CSNK1G3: variants seen among roughly 807,000 people sequenced by gnomAD.
CSNK1G3 encodes casein kinase I isoform gamma-3.
In CSNK1G3, 23 loss-of-function variants were observed where a neutral mutation model predicts 64.3. The ratio of observed to expected loss-of-function variants is 0.36; its 90% CI spans 0.26 to 0.51. The LOEUF (loss-of-function observed/expected upper bound fraction) is 0.51, where lower values mean the gene tolerates loss of function less well. Among genes scored for constraint, CSNK1G3 ranks in the 20% least tolerant of loss-of-function variants. CSNK1G3 has a pLI of 0.96. For missense variants in CSNK1G3, 357 were observed against 510.5 expected, an observed-to-expected ratio of 0.70 and a Z score of 2.90; for synonymous variants, 158 against 162.2, an observed-to-expected ratio of 0.97 and a Z score of 0.20.
chr5:123,559,918 A>G (rs968369383), intron 4 of CSNK1G3, among the ~76,000 whole-genome samples: 2 of 152,086 alleles, frequency 1.3e-5, no homozygotes, highest in African/African-American at 2.4e-5. Flanking sequence ...TAATTTTCCT[A>G]TGGTATGCTG....
chr5:123,523,198 C>A (rs1778444808), intron 1 of CSNK1G3, among the ~76,000 whole-genome samples: 1 of 151,978 alleles, frequency 6.6e-6, no homozygotes, highest in South Asian at 2.1e-4. Flanking sequence ...TCTGTTTATT[C>A]CCGCTCAGTG....
At chr5:123,550,961 T>A (rs1404690961) in intron 2 of CSNK1G3, among the ~76,000 whole-genome samples, 1 of 152,196 alleles carries the variant, frequency 6.6e-6, no homozygotes, top group Non-Finnish European at 1.5e-5. Context: ...AAGATGATCC[T>A]TTTAGGATTT....
intron 6 of CSNK1G3, among the ~76,000 whole-genome samples, chr5:123,587,219 A>G (rs551667204): frequency 3.9e-5 from 6 of 152,238 alleles, no homozygotes; most frequent in Admixed American, 3.3e-4. Flanking sequence ...TTCTGAAAGC[A>G]TTAAGTACTG....
rs547570633 is a variant in CSNK1G3 at position 123,548,922 on chromosome 5, C to T, written c.178+3081C>T. On this transcript the variant is annotated intron_variant, in intron 2 of 12. Transcript: ENST00000345990. ...TCCAGAAAATGCTGGCAACACAGTA[C>T]GCTGTACAATATTGGTTGTTTACTC... Among the ~76,000 whole-genome samples the T allele has an allele frequency of 3.3e-5, 5 of 152,270 alleles. No homozygotes were observed. In the South Asian group the frequency reaches 6.2e-4, roughly 19 times the overall value.
At chr5:123,590,430 C>A in exon 9 of CSNK1G3, 1 of 1,471,184 alleles carries the variant, frequency 6.8e-7, no homozygotes, top group Non-Finnish European at 9.1e-7. Context: ...AACATATCTT[C>A]GTTATGTAAG....
intron 1 of CSNK1G3, among the ~76,000 whole-genome samples, chr5:123,535,701 C>T (rs567463966): frequency 3.3e-5 from 5 of 152,242 alleles, no homozygotes; most frequent in African/African-American, 1.2e-4. Flanking sequence ...CACTTCTTGA[C>T]TCATGAATGA....
At chr5:123,556,400 G>T (rs1434902767) in intron 3 of CSNK1G3, among the ~76,000 whole-genome samples, 3 of 152,022 alleles carry the variant, frequency 2.0e-5, no homozygotes, top group Middle Eastern at 3.4e-3. Flanking sequence ...CTTTCCTCCT[G>T]ATACTGTTAT....
At chr5:123,582,037 G>A (rs1790405760) in intron 6 of CSNK1G3, among the ~76,000 whole-genome samples, 2 of 151,784 alleles carry the variant, frequency 1.3e-5, no homozygotes, top group Non-Finnish European at 2.9e-5. Context: ...GTTTATTTTT[G>A]CAAATATATG....
chr5:123,569,265 A>G (rs1332317953), intron 4 of CSNK1G3, among the ~76,000 whole-genome samples: 1 of 152,224 alleles, frequency 6.6e-6, no homozygotes, highest in Non-Finnish European at 1.5e-5. Flanking sequence ...GCTGCTTTCT[A>G]TTCTCATCAA....
intron 6 of CSNK1G3, among the ~76,000 whole-genome samples, chr5:123,587,633 G>A (rs1791575059): frequency 6.6e-6 from 1 of 152,096 alleles, no homozygotes; most frequent in Admixed American, 6.6e-5. Flanking sequence ...ATTTATCATG[G>A]GAGTTTTGTG....
At chr5:123,616,103 C>CTACA (rs1220380065) in exon 13 of CSNK1G3, 8 of 152,136 alleles carry the variant, frequency 5.3e-5, no homozygotes, top group African/African-American at 1.7e-4. Context: ...TTTTAAAGAC[C>CTACA]TACACTTAAC....
chr5:123,605,671 T>C (rs868254597), intron 12 of CSNK1G3, among the ~76,000 whole-genome samples: 1 of 152,152 alleles, frequency 6.6e-6, no homozygotes, highest in South Asian at 2.1e-4. Context: ...TTTTATTTGC[T>C]ATTTAAATAG....
chr5:123,572,666 C>T (rs1227663974), intron 4 of CSNK1G3, among the ~76,000 whole-genome samples: 1 of 152,166 alleles, frequency 6.6e-6, no homozygotes, highest in Non-Finnish European at 1.5e-5. Flanking sequence ...CTTACTTCCT[C>T]AAGGATTCCT....
intron 4 of CSNK1G3, among the ~76,000 whole-genome samples, chr5:123,572,744 G>T (rs1788370559): frequency 6.6e-6 from 1 of 152,194 alleles, no homozygotes; most frequent in African/African-American, 2.4e-5. Context: ...GAGTTTCTCT[G>T]CTGTTTCCAA....
intron 1 of CSNK1G3, among the ~76,000 whole-genome samples, chr5:123,530,294 T>G (rs1007375606): frequency 1.3e-5 from 2 of 152,122 alleles, no homozygotes; most frequent in African/African-American, 4.8e-5. Context: ...GACTATTAAT[T>G]TAATTAGACT....
intron 12 of CSNK1G3, among the ~76,000 whole-genome samples, chr5:123,606,337 T>C (rs1236550163): frequency 4.6e-5 from 7 of 152,132 alleles, no homozygotes; most frequent in Non-Finnish European, 7.4e-5. Context: ...TTAAATCAAA[T>C]ATAAAAACAA....
chr5:123,586,493 T>C (rs555335731), intron 6 of CSNK1G3, among the ~76,000 whole-genome samples: 2 of 152,214 alleles, frequency 1.3e-5, no homozygotes, highest in Non-Finnish European at 2.9e-5. Context: ...AGGCCACTAC[T>C]TATTTTGGAA....
intron 11 of CSNK1G3, among the ~76,000 whole-genome samples, 191 bp downstream of exon 12, chr5:123,605,021 T>C (rs1321331814): frequency 1.3e-5 from 2 of 152,134 alleles, no homozygotes; most frequent in African/African-American, 4.8e-5. Flanking sequence ...AACATTTTAA[T>C]AATACAAAAT....
intron 12 of CSNK1G3, among the ~76,000 whole-genome samples, chr5:123,609,344 T>G (rs190671109): frequency 3.9e-5 from 6 of 152,294 alleles, no homozygotes; most frequent in African/African-American, 1.4e-4. Flanking sequence ...AGAAAATGGT[T>G]TAAAAATATA....
Sources: gnomAD v4.1 joint callset for allele counts (sites outside exome capture counted in the v4.1 genomes callset) on GRCh38, gnomAD v4.1.1 for gene constraint, MANE v1.5 for transcripts, NCBI Gene and HGNC (gene_info 2026-07-23, HGNC 2026-07-21) for gene names.